NR6A1: variants seen among roughly 807,000 people sequenced by gnomAD.
The protein encoded by NR6A1 is retinoic acid receptor-related testis-associated receptor.
In NR6A1, 7 loss-of-function variants were observed where a neutral mutation model predicts 59.1. The observed-to-expected ratio is 0.12, with a 90% CI of 0.07 to 0.22. The LOEUF is 0.22. NR6A1 is among the 10% of genes least tolerant of loss of function. NR6A1 has a pLI of 1.00. For missense variants in NR6A1, 468 were observed against 611.6 expected (o/e 0.77, Z 2.48); for synonymous variants, 243 against 236.1 (o/e 1.03, Z -0.27).
At chr9:124,629,422 T>C (rs1275230853) in intron 2 of NR6A1, among the ~76,000 whole-genome samples, 2 of 151,978 alleles carry the variant, frequency 1.3e-5, no homozygotes, top group Non-Finnish European at 2.9e-5. Flanking sequence ...CTTCTTCATC[T>C]TGATCACTTA....
At chr9:124,748,386 T>C (rs910576529) in intron 1 of NR6A1, among the ~76,000 whole-genome samples, 3 of 152,166 alleles carry the variant, frequency 2.0e-5, no homozygotes, top group African/African-American at 4.8e-5. Context: ...ATTCTTAGAT[T>C]TTTTAAAAAA....
At chr9:124,581,790 G>A (rs527615819) in intron 2 of NR6A1, among the ~76,000 whole-genome samples, 81 of 152,150 alleles carry the variant, frequency 5.3e-4, no homozygotes, top group African/African-American at 1.9e-3. Context: ...CTTCTCAAAA[G>A]AAGACATTTA....
chr9:124,678,507 A>G (rs1397619879), intron 2 of NR6A1, among the ~76,000 whole-genome samples: 1 of 152,220 alleles, frequency 6.6e-6, no homozygotes, highest in Non-Finnish European at 1.5e-5. Context: ...TGTAAGTGTA[A>G]TAACAAATGC....
chr9:124,694,168 A>ATGGAT (rs1451548306), intron 2 of NR6A1, among the ~76,000 whole-genome samples: 1 of 152,170 alleles, frequency 6.6e-6, no homozygotes, highest in Admixed American at 6.5e-5. Flanking sequence ...CCTCGGAGGA[A>ATGGAT]AACATGTATA....
At chr9:124,725,090 C>A (rs568187408) in intron 2 of NR6A1, among the ~76,000 whole-genome samples, 1 of 152,170 alleles carries the variant, frequency 6.6e-6, no homozygotes, top group African/African-American at 2.4e-5. Context: ...TACAGCTACA[C>A]GGTAAACACG....
At chr9:124,745,912 C>T (rs1267578653) in intron 1 of NR6A1, among the ~76,000 whole-genome samples, 2 of 147,950 alleles carry the variant, frequency 1.4e-5, no homozygotes, top group East Asian at 4.0e-4. Flanking sequence ...TGCTTGAATC[C>T]GGGAGGCAGA....
At chr9:124,734,052 G>T (rs1259067164) in intron 1 of NR6A1, among the ~76,000 whole-genome samples, 5 of 152,200 alleles carry the variant, frequency 3.3e-5, no homozygotes, top group Non-Finnish European at 5.9e-5. Context: ...CATCGTTGAT[G>T]AAAGGTTTTG....
chr9:124,723,667 T>C (rs1244545006), intron 2 of NR6A1, among the ~76,000 whole-genome samples: 3 of 152,210 alleles, frequency 2.0e-5, no homozygotes, highest in Non-Finnish European at 4.4e-5. Context: ...TTATACTACA[T>C]AGCCTAGAAC....
At chr9:124,527,271 C>A (rs1290233781) in intron 7 of NR6A1, among the ~76,000 whole-genome samples, 1 of 152,116 alleles carries the variant, frequency 6.6e-6, no homozygotes, top group Non-Finnish European at 1.5e-5. Context: ...TGGAGAAGTA[C>A]AACATTATTA....
chr9:124,536,323 A>G (rs1293799677), intron 6 of NR6A1, among the ~76,000 whole-genome samples, 191 bp from the exon 7 acceptor site: 1 of 152,072 alleles, frequency 6.6e-6, no homozygotes, highest in Non-Finnish European at 1.5e-5. Context: ...CAGCAAGTTC[A>G]GGGCTGGAGA....
intron 7 of NR6A1, among the ~76,000 whole-genome samples, chr9:124,532,233 C>T (rs1833120870): frequency 6.6e-6 from 1 of 152,168 alleles, no homozygotes; most frequent in South Asian, 2.1e-4. Flanking sequence ...AGCAACCATC[C>T]AGGATCTCTA....
chr9:124,522,594 G>A lies in NR6A1; in HGVS notation c.*111C>T, dbSNP rs1327462889. ...AAACTCTTCTTGCTATGGAGGCAAC[G>A]GGAAATGCTGCTCCACAGCCTCCAT... On this transcript the variant is annotated 3_prime_UTR_variant, in exon 10 of 10. Coordinates refer to ENST00000487099, the MANE Select transcript of NR6A1 (RefSeq NM_033334.4). 9.8e-6 allele frequency: 7 copies of A among 712,126 alleles called. No homozygotes were observed. The highest frequency in any genetic ancestry group is 2.7e-5 in the Admixed American group (1 of 36,564). 44.1% of individuals were successfully genotyped at this position (712,126 alleles called of 1,614,324 possible).
At chr9:124,649,380 C>T (rs1837032334) in intron 2 of NR6A1, among the ~76,000 whole-genome samples, 1 of 151,920 alleles carries the variant, frequency 6.6e-6, no homozygotes, top group African/African-American at 2.4e-5. Flanking sequence ...CAATAAATGG[C>T]ACTGGGAAAG....
chr9:124,765,571 T>C (rs894792895), intron 1 of NR6A1, among the ~76,000 whole-genome samples: 1 of 152,192 alleles, frequency 6.6e-6, no homozygotes, highest in African/African-American at 2.4e-5. Flanking sequence ...CTTTCTCAAA[T>C]GACAACCACT....
At chr9:124,680,090 A>ATGTGTGTGTGTGTG (rs57251719) in intron 2 of NR6A1, among the ~76,000 whole-genome samples, 1 of 143,164 alleles carries the variant, frequency 7.0e-6, no homozygotes, top group Non-Finnish European at 1.5e-5. Flanking sequence ...GTGTGTATGT[A>ATGTGTGTGTGTGTG]TGTGTGTGTG....
intron 1 of NR6A1, among the ~76,000 whole-genome samples, chr9:124,757,005 G>A (rs183864354): frequency 3.9e-5 from 6 of 151,906 alleles, no homozygotes; most frequent in East Asian, 3.9e-4. Context: ...AAAAAAGGGC[G>A]GGTAGGGGGG....
chr9:124,594,027 GCTGT>G, intron 2 of NR6A1, among the ~76,000 whole-genome samples: 1 of 152,190 alleles, frequency 6.6e-6, no homozygotes, highest in Non-Finnish European at 1.5e-5. Context: ...TGTATGCCCA[GCTGT>G]GACAAAGGTT....
intron 2 of NR6A1, among the ~76,000 whole-genome samples, chr9:124,686,024 A>G (rs932020525): frequency 6.6e-6 from 1 of 152,256 alleles, no homozygotes; most frequent in Non-Finnish European, 1.5e-5. Context: ...GCAACATTAA[A>G]AAGCATTTTC....
intron 2 of NR6A1, among the ~76,000 whole-genome samples, chr9:124,616,433 G>GAACTAATC (rs1301813447): frequency 1.4e-5 from 2 of 145,384 alleles, no homozygotes; most frequent in African/African-American, 5.1e-5. Context: ...AAAAGAACTA[G>GAACTAATC]AACTAATCAC....
Sources: gnomAD v4.1 joint callset for allele counts (sites outside exome capture counted in the v4.1 genomes callset) on GRCh38, gnomAD v4.1.1 for gene constraint, MANE v1.5 for transcripts, NCBI Gene and HGNC (gene_info 2026-07-23, HGNC 2026-07-21) for gene names.